The following UNC13A variants were observed in gnomAD, a reference collection of about 807,000 sequenced individuals.
The protein encoded by UNC13A is protein unc-13 homolog A.
A neutral mutation model predicts 219.7 loss-of-function variants in UNC13A; 61 were observed. The observed-to-expected ratio is 0.28, with a 90% CI of 0.23 to 0.34. The LOEUF is 0.34. Among genes scored for constraint, UNC13A ranks in the 10% least tolerant of loss-of-function variants. UNC13A has a pLI of 1.00. For missense variants in UNC13A, 1,476 were observed against 2,270.3 expected, an observed-to-expected ratio of 0.65 and a Z score of 7.11; for synonymous variants, 920 against 884.6, an observed-to-expected ratio of 1.04 and a Z score of -0.71.
At chr19:17,641,350 G>T (rs551484118) in intron 21 of UNC13A, 43 bp downstream of exon 21, 1 of 1,599,884 alleles carries the variant, frequency 6.3e-7, no homozygotes, top group Non-Finnish European at 8.5e-7. Context: ...TGCCCACTTG[G>T]TGACCTCCCT....
intron 15 of UNC13A, 23 bp downstream of exon 15, chr19:17,648,889 G>A (rs762775744): frequency 5.7e-6 from 9 of 1,574,814 alleles, no homozygotes; most frequent in African/African-American, 1.4e-5. Flanking sequence ...CCTGACCCGG[G>A]GAAAAAGAGG....
intron 29 of UNC13A, 120 bp downstream of exon 29, chr19:17,630,534 A>G: frequency 8.0e-7 from 1 of 1,244,270 alleles, no homozygotes. Context: ...TTTAAAAACC[A>G]TGAGCAAGAC....
intron 35 of UNC13A, among the ~76,000 whole-genome samples, chr19:17,624,275 C>T (rs1001820491): frequency 3.3e-5 from 5 of 151,950 alleles, no homozygotes; most frequent in Non-Finnish European, 7.4e-5. Context: ...CACAGGATCA[C>T]ACCCAGCTAA....
chr19:17,680,919 G>GTC (rs2080002999), intron 1 of UNC13A, among the ~76,000 whole-genome samples: 1 of 56,214 alleles, frequency 1.8e-5, no homozygotes, highest in South Asian at 6.0e-4. Context: ...TTTTGACAGG[G>GTC]TCTCTCTCTG....
chr19:17,627,946 G>C lies in UNC13A; in HGVS notation c.3754-6C>G. The C allele has an allele frequency of 1.3e-6, 2 of 1,586,498 alleles. No individual in the cohort carries two copies. Among genetic ancestry groups the C allele is most frequent in the Non-Finnish European group, 8.6e-7 (1 of 1,164,152 alleles). On this transcript the variant is annotated splice_region_variant and splice_polypyrimidine_tract_variant and intron_variant, in intron 31 of 43. Transcript: ENST00000519716. This position sits in a 1 kb window ranked among gnomAD's most constrained non-coding sequence, Gnocchi z 4.7. ...TTATTCATGAGAATGCAGGGCTGTG[G>C]GTGGGAACAGAGAGGGGAGTCAAGC...
intron 3 of UNC13A, among the ~76,000 whole-genome samples, chr19:17,673,392 T>C (rs1013710709): frequency 7.1e-6 from 1 of 141,840 alleles, no homozygotes; most frequent in Non-Finnish European, 1.5e-5. Flanking sequence ...ATATCTGATA[T>C]ATATATCTGT....
intron 43 of UNC13A, among the ~76,000 whole-genome samples, chr19:17,609,252 G>A (rs552673504): frequency 4.0e-5 from 6 of 151,740 alleles, no homozygotes; most frequent in Non-Finnish European, 8.8e-5. Flanking sequence ...TGACAGGTGT[G>A]AGCCACCACA....
chr19:17,639,527 T>C lies in UNC13A; in HGVS notation c.2857-2A>G. 6.2e-7 allele frequency: 1 copy of C among 1,612,546 alleles called. No homozygotes were observed. The highest frequency in any genetic ancestry group is 8.5e-7 in the Non-Finnish European group (1 of 1,179,622). On this transcript the variant is annotated splice_acceptor_variant, in intron 23 of 43. Transcript: ENST00000519716. LOFTEE classifies it high-confidence loss of function. The stretch of plus-strand genomic sequence containing the variant: ...CGGGCTGCTGGCTGGGAAGTTATTC[T>C]GTTGGGAGCAGGAAGAGATGTGGGG...
At chr19:17,623,515 C>T in intron 36 of UNC13A, 27 bp downstream of exon 36, 1 of 1,520,646 alleles carries the variant, frequency 6.6e-7, no homozygotes, top group Admixed American at 1.9e-5. Flanking sequence ...GACGGACAGA[C>T]AGACGGACAG....
In UNC13A at chr19:17,602,044, G is replaced by A. The variant is rs1006733481; in HGVS notation, c.*4010C>T. On this transcript the variant is annotated 3_prime_UTR_variant, in exon 44 of 44. Transcript: ENST00000519716. ...ACAGAAAGGCTCTGAGATCCCAGCC[G>A]AGAGAGGTCCCAAGGATTTCTAGTT... is the stretch of plus-strand genomic sequence containing the variant. 1.2e-4 allele frequency: 19 copies of A among 152,592 alleles called. No individual in the cohort carries two copies. The highest frequency in any genetic ancestry group is 4.3e-4 in the African/African-American group (18 of 41,412). The allele number at this position is 152,592 out of a possible 1,614,324, so 9.5% of individuals were successfully genotyped here.
chr19:17,678,392 T>A (rs770488482), intron 1 of UNC13A, among the ~76,000 whole-genome samples: 8 of 152,038 alleles, frequency 5.3e-5, no homozygotes, highest in Non-Finnish European at 1.2e-4. Flanking sequence ...GGCAGGAGAA[T>A]CCCTTTAACC....
intron 30 of UNC13A, 52 bp from the exon 31 acceptor site, chr19:17,629,375 C>T (rs528855417): frequency 2.3e-5 from 35 of 1,517,580 alleles, no homozygotes; most frequent in Admixed American, 2.1e-4. Context: ...CCAAGGCAGG[C>T]GCCAGTCGTC....
chr19:17,629,026 TG>T (rs1418774259), intron 31 of UNC13A, among the ~76,000 whole-genome samples: 1 of 151,624 alleles, frequency 6.6e-6, no homozygotes, highest in Non-Finnish European at 1.5e-5. Context: ...GTCAGACACA[TG>T]CACTTACTTC....
intron 11 of UNC13A, among the ~76,000 whole-genome samples, chr19:17,654,572 C>T (rs1169670562): frequency 6.6e-6 from 1 of 152,184 alleles, no homozygotes; most frequent in Non-Finnish European, 1.5e-5. Flanking sequence ...GTCCCCAGCC[C>T]AGGGTGAGCT....
At chr19:17,673,395 A>G (rs1050115970) in intron 3 of UNC13A, among the ~76,000 whole-genome samples, 2 of 144,516 alleles carry the variant, frequency 1.4e-5, no homozygotes, top group African/African-American at 5.2e-5. Flanking sequence ...TCTGATATAT[A>G]TATCTGTTGG....
At chr19:17,668,983 A>G (rs1384458894) in intron 5 of UNC13A, among the ~76,000 whole-genome samples, 2 of 151,992 alleles carry the variant, frequency 1.3e-5, no homozygotes, top group African/African-American at 4.8e-5. Context: ...TTTCATAGAG[A>G]TGGGATCTCA....
rs149637105 is a variant in UNC13A, at chr19:17,633,312, T to C, written c.3216-119A>G. ...TAGGGTAGAGGGATTTGGGTTCAGGTTCCCTCATAGCCACTGCTGACTGAC... is the reference window on the plus strand; with the variant it reads ...TAGGGTAGAGGGATTTGGGTTCAGGCTCCCTCATAGCCACTGCTGACTGAC... On this transcript the variant is annotated intron_variant, in intron 26 of 43. Coordinates refer to ENST00000519716, the MANE Select transcript of UNC13A (RefSeq NM_001080421.3). The C allele has an allele frequency of 5.9e-4, 516 of 879,268 alleles. 2 individuals carry two copies. In the African/African-American group the frequency reaches 7.6e-3, roughly 13 times the overall value. The allele number at this position is 879,268 out of a possible 1,614,324, so 54.5% of individuals were successfully genotyped here.
At chr19:17,633,786 C>T (rs528293689) in intron 26 of UNC13A, among the ~76,000 whole-genome samples, 6 of 151,986 alleles carry the variant, frequency 3.9e-5, no homozygotes, top group Admixed American at 2.6e-4. Flanking sequence ...ACTATTCATC[C>T]ATCCACTCAA....
rs143165013 is a variant in UNC13A, at chr19:17,632,207, G to A, written c.3428+575C>T. ...ATTACAGGCATGAGCCACTGCGCCCGGCCAATTTTTGTATTTTTGTAGAGC... is the reference window on the plus strand; with the variant it reads ...ATTACAGGCATGAGCCACTGCGCCCAGCCAATTTTTGTATTTTTGTAGAGC... On this transcript the variant is annotated intron_variant, in intron 28 of 43. Transcript: ENST00000519716. Among the ~76,000 whole-genome samples, 376 of 152,264 alleles carry A rather than the reference G, an allele frequency of 2.5e-3. 1 individual carries two copies. The highest frequency in any genetic ancestry group is 8.1e-3 in the African/African-American group (338 of 41,546).
Sources: gnomAD v4.1 joint callset for allele counts (sites outside exome capture counted in the v4.1 genomes callset) on GRCh38, gnomAD v4.1.1 for gene constraint, Gnocchi (gnomAD v3.1) non-coding constraint, MANE v1.5 for transcripts, NCBI Gene and HGNC (gene_info 2026-07-23, HGNC 2026-07-21) for gene names.